The following ANKRD30B variants were observed in gnomAD, a reference collection of about 807,000 sequenced individuals.
ANKRD30B encodes ankyrin repeat domain 30B, also known as ankyrin repeat domain-containing protein 30B.
A neutral mutation model predicts 202.2 loss-of-function variants in ANKRD30B; 144 were observed. That is an observed-to-expected ratio of 0.71 (90% confidence interval 0.62 to 0.82). The LOEUF is 0.82. ANKRD30B is among the 40% of genes least tolerant of loss of function. The pLI, the probability that ANKRD30B is intolerant of heterozygous loss-of-function variation, is 0.00. For synonymous variants in ANKRD30B, 508 were observed against 561.3 expected, an observed-to-expected ratio of 0.91 and a Z score of 1.34; for missense variants, 1,487 against 1,669.1, an observed-to-expected ratio of 0.89 and a Z score of 1.90.
At chr18:14,865,798 C>A in the ANKRD30B span, among the ~76,000 whole-genome samples, 2 of 152,176 alleles carry the variant, frequency 1.3e-5, no homozygotes, top group Non-Finnish European at 2.9e-5. Flanking sequence ...GCAGGGAGGC[C>A]AGCCATGGTG....
chr18:14,797,556 C>G (rs187662858), intron 18 of ANKRD30B, 105 bp from the exon 19 acceptor site: 19 of 1,310,508 alleles, frequency 1.4e-5, no homozygotes, highest in Non-Finnish European at 2.0e-5. Flanking sequence ...TAATCCCTTT[C>G]CAATCCAAGC....
At chr18:14,772,029 A>G in intron 8 of ANKRD30B, 127 bp from the exon 9 acceptor site, 1 of 482,854 alleles carries the variant, frequency 2.1e-6, no homozygotes, top group South Asian at 4.7e-5. Context: ...TATACAGAGG[A>G]CTGGTCTTTC....
the ANKRD30B span, among the ~76,000 whole-genome samples, chr18:14,928,894 A>G: frequency 1.3e-5 from 2 of 152,312 alleles, no homozygotes; most frequent in East Asian, 3.9e-4. Flanking sequence ...ACTTTTAGGT[A>G]CTTCCCTACC....
rs1401670573 is a variant in ANKRD30B, at chr18:14,763,672, T to G, written c.821-14T>G. 5.6e-6 allele frequency: 9 copies of G among 1,612,692 alleles called. No individual in the cohort carries two copies. The South Asian group carries it at 9.9e-5, about 18-fold the overall frequency. Reference sequence around the variant, plus strand: ...AAGCAGAAAGAAAATTTAACCAGATTGTGTGTTTGGCAGAAGGAACATCTA... The same window carrying G: ...AAGCAGAAAGAAAATTTAACCAGATGGTGTGTTTGGCAGAAGGAACATCTA... On this transcript the variant is annotated splice_polypyrimidine_tract_variant and intron_variant, in intron 6 of 43. Transcript: ENST00000690538.
At chr18:14,839,787 TAA>T (rs1411799834) in intron 36 of ANKRD30B, among the ~76,000 whole-genome samples, 1 of 152,252 alleles carries the variant, frequency 6.6e-6, no homozygotes, top group Non-Finnish European at 1.5e-5. Context: ...CTTGTTTTCC[TAA>T]ATGAAACAGC....
chr18:14,777,051 T>A (rs1967403366), intron 9 of ANKRD30B, among the ~76,000 whole-genome samples: 1 of 152,156 alleles, frequency 6.6e-6, no homozygotes, highest in Non-Finnish European at 1.5e-5. Flanking sequence ...GCCCTATTAT[T>A]TTTGGTGAGG....
the ANKRD30B span, among the ~76,000 whole-genome samples, chr18:14,930,231 G>A: frequency 2.0e-5 from 3 of 152,108 alleles, no homozygotes; most frequent in Admixed American, 2.0e-4. Flanking sequence ...CTGAGAGGCT[G>A]GGCCGACAGA....
At chr18:14,876,535 C>A in the ANKRD30B span, among the ~76,000 whole-genome samples, 1 of 152,114 alleles carries the variant, frequency 6.6e-6, no homozygotes, top group Admixed American at 6.6e-5. Flanking sequence ...CCCTCCAGTC[C>A]TTCTCTCTTG....
chr18:14,831,476 A>G (rs1970936674), intron 34 of ANKRD30B, 21 bp downstream of exon 34: 3 of 1,371,824 alleles, frequency 2.2e-6, no homozygotes, highest in South Asian at 1.3e-5. Context: ...CTCTTGTTAA[A>G]TTGATTTTCT....
chr18:14,795,378 G>A (rs1274559189), intron 16 of ANKRD30B, among the ~76,000 whole-genome samples: 5 of 152,146 alleles, frequency 3.3e-5, no homozygotes, highest in African/African-American at 7.2e-5. Flanking sequence ...TGTATTTTTT[G>A]TGGAGACAGG....
chr18:14,915,334 C>T, the ANKRD30B span, among the ~76,000 whole-genome samples: 1 of 152,180 alleles, frequency 6.6e-6, no homozygotes, highest in Non-Finnish European at 1.5e-5. Flanking sequence ...CTCTCTTCTC[C>T]TTCTAGAAAA....
intron 33 of ANKRD30B, among the ~76,000 whole-genome samples, chr18:14,831,181 G>GA (rs71305894): frequency 0.073 from 3,834 of 52,166 alleles, 334 homozygotes; most frequent in African/African-American, 0.14. Context: ...CTCCGTCTCG[G>GA]AAAAAAAAAA....
chr18:14,933,222 G>C, the ANKRD30B span, among the ~76,000 whole-genome samples: 1 of 152,200 alleles, frequency 6.6e-6, no homozygotes, highest in African/African-American at 2.4e-5. Flanking sequence ...TGGGGCTGTA[G>C]CCTCCTCTGC....
At chr18:14,923,251 C>T in the ANKRD30B span, among the ~76,000 whole-genome samples, 84 of 152,162 alleles carry the variant, frequency 5.5e-4, no homozygotes, top group Non-Finnish European at 1.2e-3. Flanking sequence ...CATTTGTGGG[C>T]CTGCCCGGGG....
chr18:14,785,296 C>G (rs1364507483), intron 14 of ANKRD30B, among the ~76,000 whole-genome samples: 1 of 152,034 alleles, frequency 6.6e-6, no homozygotes, highest in Non-Finnish European at 1.5e-5. Context: ...CATGGTTGTA[C>G]AGTGTAATGT....
chr18:14,922,667 A>G, the ANKRD30B span, among the ~76,000 whole-genome samples: 17 of 151,500 alleles, frequency 1.1e-4, no homozygotes, highest in Non-Finnish European at 1.5e-4. Context: ...AAAAAAAAAA[A>G]AAAAGAAAAG....
intron 10 of ANKRD30B, among the ~76,000 whole-genome samples, chr18:14,779,648 G>C (rs773020849): frequency 6.6e-6 from 1 of 152,166 alleles, no homozygotes; most frequent in Non-Finnish European, 1.5e-5. Flanking sequence ...AGTTATCTGA[G>C]TGAATAGCAA....
chr18:14,752,480 G>A (rs2143636604), intron 1 of ANKRD30B, 86 bp from the exon 2 acceptor site: 2 of 926,574 alleles, frequency 2.2e-6, no homozygotes, highest in East Asian at 2.6e-5. Flanking sequence ...AAAGAGCATG[G>A]TATTTAATGT....
At chr18:14,856,158 G>T (rs1338785445), downstream of ANKRD30B, among the ~76,000 whole-genome samples, 1 of 145,614 alleles carries the variant, frequency 6.9e-6, no homozygotes, top group Non-Finnish European at 1.5e-5. Context: ...CAGATGGGAC[G>T]GCCAGGCAGA....
Sources: gnomAD v4.1 joint callset for allele counts (sites outside exome capture counted in the v4.1 genomes callset) on GRCh38, gnomAD v4.1.1 for gene constraint, MANE v1.5 for transcripts, NCBI Gene and HGNC (gene_info 2026-07-23, HGNC 2026-07-21) for gene names.